HSD17B12: variants seen among roughly 807,000 people sequenced by gnomAD.
HSD17B12 encodes very-long-chain 3-oxoacyl-CoA reductase.
Under a neutral mutation model 39.3 loss-of-function variants are expected in HSD17B12, and 32 were observed. The observed-to-expected ratio is 0.81, with a 90% CI of 0.61 to 1.09. HSD17B12 has a LOEUF of 1.09. Ranked by LOEUF, HSD17B12 falls within the 50% of genes least tolerant of loss-of-function variation. HSD17B12 has a pLI of 0.00. For synonymous variants in HSD17B12, 150 were observed against 146.7 expected, an observed-to-expected ratio of 1.02 and a Z score of -0.16; for missense variants, 342 against 382.9, an observed-to-expected ratio of 0.89 and a Z score of 0.89.
chr11:43,574,651 C>T, the HSD17B12 span, among the ~76,000 whole-genome samples: 1 of 152,118 alleles, frequency 6.6e-6, no homozygotes, highest in East Asian at 1.9e-4. Flanking sequence ...CACACACATC[C>T]ACACACACAT....
chr11:43,624,600 A>G, the HSD17B12 span, among the ~76,000 whole-genome samples: 2 of 151,886 alleles, frequency 1.3e-5, no homozygotes, highest in Non-Finnish European at 2.9e-5. Flanking sequence ...AGATATTAAA[A>G]TAACAATCAA....
chr11:43,658,160 T>C, the HSD17B12 span, among the ~76,000 whole-genome samples: 1 of 152,364 alleles, frequency 6.6e-6, no homozygotes, highest in East Asian at 1.9e-4. Flanking sequence ...CTTCCACCGC[T>C]GATACCCTTT....
chr11:43,649,640 C>T, the HSD17B12 span, among the ~76,000 whole-genome samples: 8 of 152,196 alleles, frequency 5.3e-5, no homozygotes, highest in South Asian at 2.1e-4. Context: ...CTGTGTCTCC[C>T]GGTTTTACAT....
the HSD17B12 span, among the ~76,000 whole-genome samples, chr11:43,658,478 A>G: frequency 3.3e-5 from 5 of 152,114 alleles, no homozygotes; most frequent in East Asian, 9.7e-4. Context: ...TCTGATTTTT[A>G]GAGTTTCCAG....
rs916409122 is a variant in HSD17B12, at chr11:43,714,129, TA to T, written c.160+33143del. Reference sequence around the variant, plus strand: ...CTGTGCAGAAGCTCTTTGGTTTAATTAGATCCCATTTGTCAATTTTGGCTTT... The same window carrying T: ...CTGTGCAGAAGCTCTTTGGTTTAATTGATCCCATTTGTCAATTTTGGCTTT... On this transcript the variant is annotated intron_variant, in intron 1 of 10. Coordinates refer to ENST00000278353, the MANE Select transcript of HSD17B12 (RefSeq NM_016142.3). Among the ~76,000 whole-genome samples, 250 of 152,344 alleles carry T rather than the reference TA, an allele frequency of 1.6e-3. 1 individual carries two copies. Among genetic ancestry groups the T allele is most frequent in the African/African-American group, 5.7e-3 (238 of 41,582 alleles).
At chr11:43,637,503 G>A in the HSD17B12 span, among the ~76,000 whole-genome samples, 1 of 152,142 alleles carries the variant, frequency 6.6e-6, no homozygotes, top group African/African-American at 2.4e-5. Flanking sequence ...TTACAGGTGT[G>A]AGCCACCGTG....
intron 1 of HSD17B12, among the ~76,000 whole-genome samples, chr11:43,737,170 A>G (rs1480073925): frequency 6.6e-6 from 1 of 152,254 alleles, no homozygotes; most frequent in Non-Finnish European, 1.5e-5. Flanking sequence ...TGGACTTTAC[A>G]GTCAGAATTT....
chr11:43,574,656 A>G, the HSD17B12 span, among the ~76,000 whole-genome samples: 1 of 152,106 alleles, frequency 6.6e-6, no homozygotes, highest in Non-Finnish European at 1.5e-5. Flanking sequence ...ACATCCACAC[A>G]CACATGCACA....
chr11:43,701,668 A>G (rs1284830822), intron 1 of HSD17B12, among the ~76,000 whole-genome samples: 1 of 152,042 alleles, frequency 6.6e-6, no homozygotes, highest in Non-Finnish European at 1.5e-5. Context: ...TGGATTCTCT[A>G]TTGTGTTGCA....
chr11:43,582,634 C>T, the HSD17B12 span, among the ~76,000 whole-genome samples: 2 of 152,232 alleles, frequency 1.3e-5, no homozygotes, highest in East Asian at 3.9e-4. Context: ...TGAATTTCCC[C>T]CGTATCACAA....
chr11:43,688,162 A>C (rs768464775), intron 1 of HSD17B12, among the ~76,000 whole-genome samples: 5 of 152,082 alleles, frequency 3.3e-5, no homozygotes, highest in Non-Finnish European at 7.4e-5. Flanking sequence ...CAGTGAGCCG[A>C]GATTGCACCA....
intron 3 of HSD17B12, among the ~76,000 whole-genome samples, chr11:43,760,808 A>G (rs754673134): frequency 2.4e-4 from 37 of 152,208 alleles, no homozygotes; most frequent in Non-Finnish European, 1.9e-4. Flanking sequence ...TAAAACTAAA[A>G]CCACATGATG....
At chr11:43,827,633 G>A (rs1459894625) in intron 6 of HSD17B12, among the ~76,000 whole-genome samples, 4 of 152,102 alleles carry the variant, frequency 2.6e-5, no homozygotes, top group African/African-American at 4.8e-5. Flanking sequence ...ACTTTTAGTC[G>A]TAACTGCAGA....
At chr11:43,842,683 C>T (rs780952599) in intron 9 of HSD17B12, among the ~76,000 whole-genome samples, 2 of 152,134 alleles carry the variant, frequency 1.3e-5, no homozygotes, top group African/African-American at 2.4e-5. Flanking sequence ...TATCACATGC[C>T]AGGCAATGGT....
intron 9 of HSD17B12, among the ~76,000 whole-genome samples, chr11:43,840,984 A>C (rs1345097676): frequency 6.6e-6 from 1 of 152,202 alleles, no homozygotes; most frequent in African/African-American, 2.4e-5. Flanking sequence ...TTACACTTCC[A>C]CTGGCAGTGT....
the HSD17B12 span, among the ~76,000 whole-genome samples, chr11:43,664,642 T>G: frequency 6.6e-6 from 1 of 152,246 alleles, no homozygotes; most frequent in African/African-American, 2.4e-5. Context: ...GCTCATTTAC[T>G]TCTCAAGACT....
At chr11:43,822,206 A>G (rs1223624716) in intron 6 of HSD17B12, among the ~76,000 whole-genome samples, 2 of 152,200 alleles carry the variant, frequency 1.3e-5, no homozygotes, top group Admixed American at 1.3e-4. Context: ...GAAATATATT[A>G]ACAGCCTCCA....
chr11:43,675,821 C>T (rs911342553), upstream of HSD17B12, among the ~76,000 whole-genome samples: 1 of 152,096 alleles, frequency 6.6e-6, no homozygotes, highest in East Asian at 1.9e-4. Flanking sequence ...AGAAAAGAAT[C>T]AAGGTTCAGG....
At chr11:43,838,512 A>G in intron 8 of HSD17B12, 114 bp downstream of exon 8, 1 of 770,078 alleles carries the variant, frequency 1.3e-6, no homozygotes, top group Admixed American at 2.1e-5. Context: ...GTTTTCCAGT[A>G]GACTGAGAAG....
Sources: allele counts gnomAD v4.1 joint callset (sites outside exome capture counted in the v4.1 genomes callset), GRCh38; gene constraint gnomAD v4.1.1; transcripts MANE v1.5; gene names NCBI Gene and HGNC (gene_info 2026-07-23, HGNC 2026-07-21).